Variants in FAM13A observed in about 807,000 individuals in gnomAD.
The protein encoded by FAM13A is family with sequence similarity 13 member A.
In FAM13A, 76 loss-of-function variants were observed where a neutral mutation model predicts 129.6. That is an observed-to-expected ratio of 0.59 (90% CI 0.49 to 0.71). FAM13A has a LOEUF of 0.71. Ranked by LOEUF, FAM13A falls within the 30% of genes least tolerant of loss-of-function variation. The probability of loss-of-function intolerance (pLI) is 0.00; values close to 1 mark genes in which losing one functional copy is unlikely to be tolerated. For missense variants in FAM13A, 1,108 were observed against 1,249.3 expected (o/e 0.89, Z 1.70); for synonymous variants, 443 against 449.9 (o/e 0.98, Z 0.20).
intron 11 of FAM13A, among the ~76,000 whole-genome samples, chr4:88,776,060 C>T (rs955388286): frequency 5.3e-5 from 8 of 152,028 alleles, no homozygotes; most frequent in Non-Finnish European, 1.0e-4. Context: ...GGAAGTTGTT[C>T]GTAGATAAGA....
chr4:88,822,341 C>A (rs1180739606), intron 7 of FAM13A, among the ~76,000 whole-genome samples: 1 of 151,504 alleles, frequency 6.6e-6, no homozygotes, highest in East Asian at 1.9e-4. Flanking sequence ...TGGTATAACT[C>A]CTTCGCCTCC....
intron 5 of FAM13A, among the ~76,000 whole-genome samples, chr4:88,910,234 T>C (rs1483036932): frequency 6.6e-6 from 1 of 152,202 alleles, no homozygotes; most frequent in Non-Finnish European, 1.5e-5. Context: ...ATGAGACTTT[T>C]GACTGAACCA....
Position 88,981,589 on chromosome 4 carries a change from A to G in FAM13A, c.605+9384T>C, listed in dbSNP as rs376793290. Among the ~76,000 whole-genome samples the G allele has an allele frequency of 2.8e-4, 42 of 152,246 alleles. No individual in the cohort carries two copies. In the East Asian group the frequency reaches 4.0e-3, roughly 15 times the overall value. On this transcript the variant is annotated intron_variant, in intron 4 of 23. Coordinates refer to ENST00000264344, the MANE Select transcript of FAM13A (RefSeq NM_014883.4). Reference sequence around the variant, plus strand: ...GTGCCTTAGAGCAGATCCTCAAGAAACCCAAAGAAAACAAGGCAATGATGA... The same window carrying G: ...GTGCCTTAGAGCAGATCCTCAAGAAGCCCAAAGAAAACAAGGCAATGATGA...
At position 89,021,906 on chromosome 4, in the gene FAM13A, G is replaced by C. The variant is rs553003512; in HGVS notation, c.218-1237C>G. On this transcript the variant is annotated intron_variant, in intron 2 of 23. Transcript: ENST00000264344. ...AACACTGTAAAAGATAAGATTAGGGGGTAGGGATAGGAGAGTAGCTGGTTT... is the reference window on the plus strand; with the variant it reads ...AACACTGTAAAAGATAAGATTAGGGCGTAGGGATAGGAGAGTAGCTGGTTT... Among the ~76,000 whole-genome samples the C allele has an allele frequency of 1.4e-3, 217 of 152,250 alleles. 2 individuals are homozygous for C. Among genetic ancestry groups the C allele is most frequent in the African/African-American group, 5.1e-3 (210 of 41,540 alleles).
chr4:89,032,656 A>T (rs1171698332), intron 1 of FAM13A, among the ~76,000 whole-genome samples: 1 of 152,222 alleles, frequency 6.6e-6, no homozygotes, highest in Non-Finnish European at 1.5e-5. Context: ...AAAATAGGAT[A>T]GTTAACAAAA....
rs74288545 is a variant in FAM13A at position 89,016,200 on chromosome 4, A to C, written c.427+4260T>G. Among the ~76,000 whole-genome samples, 1,135 of 150,730 alleles carry C rather than the reference A, an allele frequency of 7.5e-3. 8 individuals carry two copies. Among genetic ancestry groups the C allele is most frequent in the African/African-American group, 0.019 (786 of 41,326 alleles). ...TTATGCCTTAGTTTAAAAAAAAAAA[A>C]ACACAATTTTACAAAGTAAAAAAAG... On this transcript the variant is annotated intron_variant, in intron 3 of 23. Coordinates refer to ENST00000264344, the MANE Select transcript of FAM13A (RefSeq NM_014883.4).
chr4:88,924,170 C>T (rs1028200657), intron 5 of FAM13A, among the ~76,000 whole-genome samples: 1 of 152,138 alleles, frequency 6.6e-6, no homozygotes, highest in African/African-American at 2.4e-5. Flanking sequence ...ATCAAGCTAC[C>T]AATGACTTTC....
At chr4:88,962,945 G>T (rs1258269921) in intron 4 of FAM13A, among the ~76,000 whole-genome samples, 1 of 140,696 alleles carries the variant, frequency 7.1e-6, no homozygotes, top group African/African-American at 2.7e-5. Flanking sequence ...ACAGTAGCAT[G>T]TATGAATATT....
At chr4:89,029,707 G>C in intron 1 of FAM13A, 58 bp from the exon 2 acceptor site, 4 of 1,395,358 alleles carry the variant, frequency 2.9e-6, no homozygotes, top group Non-Finnish European at 3.0e-6. Flanking sequence ...GAGGTTGCAT[G>C]GTTACAACAG....
intron 11 of FAM13A, among the ~76,000 whole-genome samples, chr4:88,777,833 ATC>A (rs1722078265): frequency 6.6e-6 from 1 of 152,138 alleles, no homozygotes; most frequent in African/African-American, 2.4e-5. Context: ...TCTTACTAAG[ATC>A]ACCAGGGAGC....
chr4:88,845,483 C>T (rs1255340157), intron 7 of FAM13A, among the ~76,000 whole-genome samples: 1 of 151,944 alleles, frequency 6.6e-6, no homozygotes, highest in Admixed American at 6.6e-5. Context: ...TTTGAGGACG[C>T]TGCATTTTGG....
Position 88,727,658 on chromosome 4 carries a change from A to G in FAM13A, c.*875T>C, listed in dbSNP as rs1030492994. 2.6e-5 allele frequency: 4 copies of G among 152,322 alleles called. No individual in the cohort carries two copies. The highest frequency in any genetic ancestry group is 9.6e-5 in the African/African-American group (4 of 41,460). The allele number at this position is 152,322 out of a possible 1,614,324, so 9.4% of individuals were successfully genotyped here. On this transcript the variant is annotated 3_prime_UTR_variant, in exon 24 of 24. Coordinates refer to ENST00000264344, the MANE Select transcript of FAM13A (RefSeq NM_014883.4). Reference sequence around the variant, plus strand: ...CCCTTTATGTTTGGCTAGTGCCACAACAAAACAGCCCCAAACAGATTGCCA... The same window carrying G: ...CCCTTTATGTTTGGCTAGTGCCACAGCAAAACAGCCCCAAACAGATTGCCA...
intron 7 of FAM13A, among the ~76,000 whole-genome samples, chr4:88,832,723 A>G (rs1030686238): frequency 1.3e-5 from 2 of 152,182 alleles, no homozygotes; most frequent in Non-Finnish European, 2.9e-5. Flanking sequence ...TAAAAAGTCA[A>G]GAAACAACAG....
chr4:88,984,913 A>G (rs1762055527), intron 4 of FAM13A, among the ~76,000 whole-genome samples: 1 of 152,208 alleles, frequency 6.6e-6, no homozygotes, highest in South Asian at 2.1e-4. Context: ...AGTTACCATG[A>G]GACCCAACAA....
chr4:88,732,665 A>G (rs1265229918), intron 21 of FAM13A: 2 of 152,472 alleles, frequency 1.3e-5, no homozygotes, highest in Non-Finnish European at 2.9e-5. Context: ...CATTTTCTGA[A>G]ATAATACAAC....
At chr4:88,804,367 C>A (rs1728141454) in intron 8 of FAM13A, among the ~76,000 whole-genome samples, 1 of 152,166 alleles carries the variant, frequency 6.6e-6, no homozygotes, top group African/African-American at 2.4e-5. Flanking sequence ...AATATATTTT[C>A]TAAGCCTTTG....
chr4:88,764,766 C>T (rs192793006), intron 13 of FAM13A, among the ~76,000 whole-genome samples: 2 of 152,246 alleles, frequency 1.3e-5, no homozygotes, highest in Admixed American at 6.5e-5. Context: ...CTTTCTGAAC[C>T]TTCCTGAAGA....
intron 4 of FAM13A, among the ~76,000 whole-genome samples, chr4:88,967,474 C>T (rs541634282): frequency 1.3e-5 from 2 of 152,194 alleles, no homozygotes; most frequent in Non-Finnish European, 2.9e-5. Context: ...CGTTTATGAG[C>T]ACGTTTATTG....
intron 4 of FAM13A, chr4:88,990,405 C>T (rs1391829556): frequency 1.3e-5 from 2 of 152,230 alleles, no homozygotes; most frequent in East Asian, 1.9e-4. Flanking sequence ...CCCTGGATTG[C>T]AGGATCACAT....
Sources: gnomAD v4.1 joint callset for allele counts (sites outside exome capture counted in the v4.1 genomes callset) on GRCh38, gnomAD v4.1.1 for gene constraint, MANE v1.5 for transcripts, NCBI Gene and HGNC (gene_info 2026-07-23, HGNC 2026-07-21) for gene names.